MSN: variants seen among roughly 807,000 people sequenced by gnomAD.
MSN encodes epididymis luminal protein 70.
Under a neutral mutation model 48.0 loss-of-function variants are expected in MSN, and 2 were observed. That is an observed-to-expected ratio of 0.04 (90% CI 0.02 to 0.13). The LOEUF (loss-of-function observed/expected upper bound fraction) is 0.13. Ranked by LOEUF, MSN falls within the 10% of genes least tolerant of loss-of-function variation. MSN has a pLI of 1.00. For synonymous variants in MSN, 146 were observed against 166.9 expected (o/e 0.87, Z 0.97); for missense variants, 267 against 470.1 (o/e 0.57, Z 3.99).
At chrX:65,622,345 C>A (rs899005587) in intron 1 of MSN, among the ~76,000 whole-genome samples, 6 of 109,307 alleles carry the variant, frequency 5.5e-5, no homozygotes, top group Admixed American at 3.0e-4. Context: ...AGTGATCCAC[C>A]CTTCTCAGCC....
At chrX:65,665,351 T>C (rs1461696558), upstream of MSN, among the ~76,000 whole-genome samples, 3 of 112,202 alleles carry the variant, frequency 2.7e-5, no homozygotes, top group East Asian at 8.3e-4. Context: ...TTGCTACTCC[T>C]GCTGCTGAGG....
At chrX:65,649,553 G>GA (rs1319323013) in intron 1 of MSN, among the ~76,000 whole-genome samples, 1 of 100,275 alleles carries the variant, frequency 1.0e-5, no homozygotes, top group African/African-American at 3.7e-5. Context: ...TCCAGCCTAG[G>GA]TGACAGAGAG....
At chrX:65,624,569 GT>G (rs76982199) in intron 1 of MSN, 6,621 of 80,981 alleles carry the variant, frequency 0.082, 714 homozygotes, top group African/African-American at 0.48. Flanking sequence ...TGTTTAGTGG[GT>G]TTTTTTTTTT....
intron 2 of MSN, among the ~76,000 whole-genome samples, chrX:65,719,066 A>G (rs1380543769): frequency 8.9e-6 from 1 of 112,256 alleles, no homozygotes; most frequent in Admixed American, 9.5e-5. Context: ...TTACATTCAC[A>G]TAGCTCACAA....
rs1602865653 is a variant in MSN, at chrX:65,731,702, A to G, written c.552-136A>G. 12 of 683,038 alleles carry G rather than the reference A, an allele frequency of 1.8e-5. No individual in the cohort carries two copies. In the East Asian group the frequency reaches 4.0e-4, roughly 23 times the overall value. 56.3% of individuals were successfully genotyped at this position (683,038 alleles called of 1,213,427 possible). A position where few individuals can be genotyped will look rare whatever the true frequency, so the allele number is the denominator to read the frequency against. On this transcript the variant is annotated intron_variant, in intron 5 of 12. Coordinates refer to ENST00000360270, the MANE Select transcript of MSN (RefSeq NM_002444.3). Reference sequence around the variant, plus strand: ...GTCATGCTGTGCTCTGTTCTCCATCATCTGCTTGCCTTTTGTCCCCTTTCC... The same window carrying G: ...GTCATGCTGTGCTCTGTTCTCCATCGTCTGCTTGCCTTTTGTCCCCTTTCC...
chrX:65,651,330 A>G (rs1392838924), intron 1 of MSN, among the ~76,000 whole-genome samples: 4 of 107,372 alleles, frequency 3.7e-5, no homozygotes, highest in Non-Finnish European at 7.7e-5. Context: ...AAAAAAAAAA[A>G]AGAAAGAAAG....
intron 1 of MSN, among the ~76,000 whole-genome samples, chrX:65,628,812 C>G (rs1253308899): frequency 9.1e-6 from 1 of 110,434 alleles, no homozygotes. Context: ...CACCTGTAAT[C>G]CTAACACTTT....
intron 1 of MSN, among the ~76,000 whole-genome samples, chrX:65,614,835 C>G (rs1392888167): frequency 7.0e-4 from 60 of 86,086 alleles, no homozygotes; most frequent in African/African-American, 2.2e-3. Flanking sequence ...GGTATATCTC[C>G]CGATGCTATC....
At chrX:65,595,236 T>G (rs1407935289) in intron 1 of MSN, among the ~76,000 whole-genome samples, 1 of 112,224 alleles carries the variant, frequency 8.9e-6, no homozygotes, top group Non-Finnish European at 1.9e-5. Context: ...TCTTTGCCCC[T>G]CATGTGAAAA....
intron 1 of MSN, among the ~76,000 whole-genome samples, chrX:65,612,865 T>TGG (rs768444031): frequency 6.8e-5 from 7 of 103,559 alleles, no homozygotes; most frequent in African/African-American, 1.1e-4. Flanking sequence ...TTTTTTTTTT[T>TGG]GGGGGGGGGT....
At chrX:65,717,925 A>G (rs183537393) in intron 2 of MSN, among the ~76,000 whole-genome samples, 59 of 111,995 alleles carry the variant, frequency 5.3e-4, no homozygotes, top group Admixed American at 5.0e-3. Flanking sequence ...AAATAAGCTA[A>G]TTCTATTCCT....
intron 3 of MSN, among the ~76,000 whole-genome samples, chrX:65,728,419 G>A (rs1400550273): frequency 2.7e-5 from 3 of 110,994 alleles, no homozygotes; most frequent in Non-Finnish European, 5.7e-5. Flanking sequence ...TCAGCCTCTC[G>A]AGTAGCTGGG....
At chrX:65,684,619 G>T (rs763510949) in intron 1 of MSN, among the ~76,000 whole-genome samples, 9 of 110,579 alleles carry the variant, frequency 8.1e-5, no homozygotes, top group Admixed American at 1.9e-4. Flanking sequence ...TGTATTTTTA[G>T]TAGAGATGGG....
intron 1 of MSN, among the ~76,000 whole-genome samples, chrX:65,633,412 C>T (rs1362254244): frequency 2.7e-5 from 3 of 112,131 alleles, no homozygotes; most frequent in Non-Finnish European, 5.6e-5. Flanking sequence ...CTTCTCTAAC[C>T]TACCACCAAA....
intron 1 of MSN, among the ~76,000 whole-genome samples, chrX:65,710,750 A>C (rs1342396296): frequency 9.1e-6 from 1 of 110,238 alleles, no homozygotes; most frequent in Non-Finnish European, 1.9e-5. Flanking sequence ...TTGCTCTGTC[A>C]CCCAGGCTGG....
intron 1 of MSN, among the ~76,000 whole-genome samples, chrX:65,598,076 C>G (rs1000269771): frequency 1.8e-5 from 2 of 111,349 alleles, no homozygotes; most frequent in African/African-American, 6.5e-5. Flanking sequence ...TTCTACCTCT[C>G]CTTACCAGCA....
chrX:65,739,647 A>T (rs41303719), intron 12 of MSN, 82 bp from the exon 13 acceptor site: 18,176 of 1,026,051 alleles, frequency 0.018, 142 homozygotes, highest in Non-Finnish European at 0.02. Context: ...AAGGAAACAG[A>T]AGAGAAGGGA....
Position 65,740,640 on chromosome X carries a change from A to G in MSN, c.*747A>G, listed in dbSNP as rs762453466. 12 of 171,461 alleles carry G rather than the reference A, an allele frequency of 7.0e-5. No individual in the cohort carries two copies. The highest frequency in any genetic ancestry group is 1.3e-4 in the Non-Finnish European group (12 of 90,127). 14.1% of individuals were successfully genotyped at this position (171,461 alleles called of 1,213,427 possible). On this transcript the variant is annotated 3_prime_UTR_variant, in exon 13 of 13. Coordinates refer to ENST00000360270, the MANE Select transcript of MSN (RefSeq NM_002444.3). The stretch of plus-strand genomic sequence containing the variant: ...AGGCTGAGTAGAAGATCCTACCCCA[A>G]TTCCTTGTAGGAGTATAGGCCGGTC...
At position 65,590,364 on chromosome X, in the gene MSN, T is replaced by C. The variant is rs189395907; in HGVS notation, c.-22+1752T>C. Among the ~76,000 whole-genome samples, 4 of 111,604 alleles carry C rather than the reference T, an allele frequency of 3.6e-5. No homozygotes were observed. In the East Asian group the frequency reaches 1.1e-3, roughly 32 times the overall value. ...GCCTGCATGTGTGAATGCCTTCTGCTGAACCACACAGAAGGCCAGGGACTG... is the reference window on the plus strand; with the variant it reads ...GCCTGCATGTGTGAATGCCTTCTGCCGAACCACACAGAAGGCCAGGGACTG... On this transcript the variant is annotated intron_variant, in intron 1 of 3. Coordinates refer to the MSN transcript ENST00000609672.
Sources: gnomAD v4.1 joint callset for allele counts (sites outside exome capture counted in the v4.1 genomes callset) on GRCh38, gnomAD v4.1.1 for gene constraint, MANE v1.5 for transcripts, NCBI Gene and HGNC (gene_info 2026-07-23, HGNC 2026-07-21) for gene names.